The following GPR20 variants were observed in gnomAD, a reference collection of about 807,000 sequenced individuals.
GPR20 encodes CTD-3064M3.3.
For synonymous variants in GPR20, 241 were observed against 241.9 expected (o/e 1.00, Z 0.04); for missense variants, 494 against 527.4 (o/e 0.94, Z 0.62).
intron 1 of GPR20, among the ~76,000 whole-genome samples, chr8:141,366,232 G>A (rs749856173): frequency 6.6e-5 from 10 of 152,222 alleles, no homozygotes; most frequent in African/African-American, 9.6e-5. Flanking sequence ...GAGGGGCAGC[G>A]ACTTGCCACG....
intron 1 of GPR20, among the ~76,000 whole-genome samples, chr8:141,360,963 C>T (rs949756843): frequency 2.0e-4 from 31 of 152,328 alleles, no homozygotes; most frequent in Admixed American, 1.7e-3. Flanking sequence ...AGAGGGGAGG[C>T]AGGGCCCTGT....
chr8:141,365,431 A>G (rs1296145146), intron 1 of GPR20, among the ~76,000 whole-genome samples: 1 of 152,224 alleles, frequency 6.6e-6, no homozygotes, highest in Non-Finnish European at 1.5e-5. Flanking sequence ...GCCTGGGATC[A>G]GCCTTCTGCG....
At chr8:141,360,043 C>T (rs1831710753) in intron 1 of GPR20, among the ~76,000 whole-genome samples, 1 of 152,092 alleles carries the variant, frequency 6.6e-6, no homozygotes, top group African/African-American at 2.4e-5. Flanking sequence ...ATTCTGCTGT[C>T]CCAGAAAACT....
At chr8:141,363,339 C>T (rs531656758) in intron 1 of GPR20, among the ~76,000 whole-genome samples, 12 of 152,384 alleles carry the variant, frequency 7.9e-5, no homozygotes, top group Admixed American at 3.9e-4. Context: ...CCCGCTCACA[C>T]GTGGGGAGAG....
chr8:141,364,389 A>G (rs1831784098), intron 1 of GPR20, among the ~76,000 whole-genome samples: 1 of 152,142 alleles, frequency 6.6e-6, no homozygotes, highest in Non-Finnish European at 1.5e-5. Flanking sequence ...GCTGTTTTTG[A>G]TAAGTCTGAG....
intron 1 of GPR20, among the ~76,000 whole-genome samples, chr8:141,364,730 G>A (rs1201119243): frequency 6.6e-6 from 1 of 151,212 alleles, no homozygotes; most frequent in Non-Finnish European, 1.5e-5. Context: ...GCCAGTTGGA[G>A]GTCCTGCATG....
In GPR20 at chr8:141,356,967, C is replaced by T. The variant is rs34826557; in HGVS notation, c.957G>A (p.Glu319=). The T allele has an allele frequency of 3.1e-6, 5 of 1,613,022 alleles. No homozygotes were observed. The highest frequency in any genetic ancestry group is 2.7e-5 in the African/African-American group (2 of 74,958). ...TGCTGACCACGTCACCGCTGCTGGG[C>T]TCACGCTCTCCGTGCTGGCCGAAGA... ...RGLFGQHGER[E]PSSGDVVSMH... The change falls in exon 2 of 2, where the codon GAG becomes GAA. Residue 319 remains glutamate, a synonymous_variant. Coordinates refer to ENST00000377741, the MANE Select transcript of GPR20 (RefSeq NM_005293.3).
rs1831795395 is a variant in GPR20 at position 141,365,102 on chromosome 8, C to T, written c.-25+2099G>A. Among the ~76,000 whole-genome samples the T allele has an allele frequency of 2.6e-5, 4 of 152,340 alleles. No homozygotes were observed. The South Asian group carries it at 8.3e-4, about 32-fold the overall frequency. ...CGGAATGCTGTTTCTCTCCCTGTGC[C>T]ACCTGGTGAAGGCTCCGGGCACCCA... On this transcript the variant is annotated intron_variant, in intron 1 of 1. Coordinates refer to ENST00000377741, the MANE Select transcript of GPR20 (RefSeq NM_005293.3).
rs556277657 is a variant in GPR20, at chr8:141,359,049, G to A, written c.-24-1102C>T. The stretch of plus-strand genomic sequence containing the variant: ...GGCCCTACCCCCACCCTACAGCTGG[G>A]CTGACCCTCCAAATAAGGGCATTTC... On this transcript the variant is annotated intron_variant, in intron 1 of 1. Transcript: ENST00000377741. Among the ~76,000 whole-genome samples the A allele has an allele frequency of 2.0e-5, 3 of 152,256 alleles. No individual in the cohort carries two copies. In the South Asian group the frequency reaches 6.2e-4, roughly 32 times the overall value.
At chr8:141,366,962 C>G (rs1831822259) in intron 1 of GPR20, among the ~76,000 whole-genome samples, 1 of 152,248 alleles carries the variant, frequency 6.6e-6, no homozygotes, top group South Asian at 2.1e-4. Flanking sequence ...ATGCAGCCAG[C>G]CCAACTCACG....
At chr8:141,365,992 A>C (rs1280491895) in intron 1 of GPR20, among the ~76,000 whole-genome samples, 1 of 152,180 alleles carries the variant, frequency 6.6e-6, no homozygotes, top group Admixed American at 6.5e-5. Flanking sequence ...TCACTGAGTC[A>C]CTGCTGAGTG....
In GPR20 at chr8:141,356,883, G is replaced by A. The variant is rs267601803; in HGVS notation, c.1041C>T (p.Ala347=). Residue 347 remains alanine (A), a synonymous_variant, in exon 2 of 2, where the codon GCC becomes GCT. Transcript: ENST00000377741. The part of the protein sequence containing the change: ...RHHILSAGPH[A]LTQALANGPE... Reference sequence around the variant, plus strand: ...GCCCATTAGCCAGGGCCTGGGTGAGGGCGTGAGGGCCGGCACTGAGGATGT... The same window carrying A: ...GCCCATTAGCCAGGGCCTGGGTGAGAGCGTGAGGGCCGGCACTGAGGATGT... The A allele has an allele frequency of 1.2e-6, 2 of 1,608,210 alleles. No homozygotes were observed. Among genetic ancestry groups the A allele is most frequent in the Non-Finnish European group, 1.7e-6 (2 of 1,176,838 alleles).
chr8:141,361,574 G>C (rs1040834642), intron 1 of GPR20, among the ~76,000 whole-genome samples: 1 of 152,244 alleles, frequency 6.6e-6, no homozygotes, highest in African/African-American at 2.4e-5. Flanking sequence ...GGGCGAGGGG[G>C]CGAGCTCTGC....
intron 1 of GPR20, among the ~76,000 whole-genome samples, chr8:141,362,067 C>A (rs1489935659): frequency 6.6e-6 from 1 of 152,090 alleles, no homozygotes; most frequent in Non-Finnish European, 1.5e-5. Context: ...GCCTGGACTG[C>A]TGGGCAGGGC....
rs1416056968 is a variant in GPR20 at position 141,357,258 on chromosome 8, T to C, written c.666A>G (p.Ala222=). Residue 222 remains alanine, a synonymous_variant, in exon 2 of 2, where the codon GCA becomes GCG. Coordinates refer to ENST00000377741, the MANE Select transcript of GPR20 (RefSeq NM_005293.3). The part of the protein sequence containing the change: ...ISVFTGRIMC[A]LSRPGLLHQG... ...GGTGGAGCAGACCCGGCCGCGACAG[T>C]GCACACATGATGCGGCCGGTAAACA... 2 of 1,544,852 alleles carry C rather than the reference T, an allele frequency of 1.3e-6. No homozygotes were observed. Among genetic ancestry groups the C allele is most frequent in the Middle Eastern group, 1.7e-4 (1 of 5,992 alleles).
chr8:141,361,010 G>A lies in GPR20; in HGVS notation c.-24-3063C>T, dbSNP rs575834148. On this transcript the variant is annotated intron_variant, in intron 1 of 1. Coordinates refer to ENST00000377741, the MANE Select transcript of GPR20 (RefSeq NM_005293.3). ...GTTTCCCTAAGCCAAACCTGGGTGT[G>A]GGGGAGATGGTCCTGTCTCCTCCCT... Among the ~76,000 whole-genome samples the A allele has an allele frequency of 2.0e-5, 3 of 152,354 alleles. No homozygotes were observed. The South Asian group carries it at 6.2e-4, about 32-fold the overall frequency.
intron 1 of GPR20, among the ~76,000 whole-genome samples, chr8:141,366,544 C>G (rs1034221779): frequency 4.6e-5 from 7 of 152,254 alleles, no homozygotes; most frequent in Admixed American, 4.6e-4. Flanking sequence ...TAGGTCCACA[C>G]TGAGGGCTGG....
At chr8:141,360,252 AC>A (rs1831713387) in intron 1 of GPR20, among the ~76,000 whole-genome samples, 1 of 152,192 alleles carries the variant, frequency 6.6e-6, no homozygotes, top group Admixed American at 6.5e-5. Flanking sequence ...CTGATCTCAA[AC>A]AAAGCTGAAC....
Position 141,356,793 on chromosome 8 carries a change from C to G in GPR20, c.*54G>C, listed in dbSNP as rs201726002. 9 of 1,313,990 alleles carry G rather than the reference C, an allele frequency of 6.8e-6. No individual in the cohort carries two copies. The highest frequency in any genetic ancestry group is 1.4e-5 in the South Asian group (1 of 71,362). 81.4% of individuals were successfully genotyped at this position (1,313,990 alleles called of 1,614,324 possible). On this transcript the variant is annotated 3_prime_UTR_variant, in exon 2 of 2. Transcript: ENST00000377741. ...CCACCCCTGGCATGGTGGGTGTCCA[C>G]GCTGGCATGCCCAGATGAGTCCTGA...
Sources: gnomAD v4.1 joint callset for allele counts (sites outside exome capture counted in the v4.1 genomes callset) on GRCh38, gnomAD v4.1.1 for gene constraint, MANE v1.5 for transcripts, NCBI Gene and HGNC (gene_info 2026-07-23, HGNC 2026-07-21) for gene names.